TPM1: variants seen among roughly 807,000 people sequenced by gnomAD.
TPM1 encodes tropomyosin 1.
In TPM1, 24 loss-of-function variants were observed where a neutral mutation model predicts 42.9. The observed-to-expected ratio is 0.56, with a 90% CI of 0.41 to 0.79. The LOEUF (loss-of-function observed/expected upper bound fraction) is 0.79. Ranked by LOEUF, TPM1 falls within the 30% of genes least tolerant of loss-of-function variation. The probability of loss-of-function intolerance (pLI) is 0.00; values close to 1 mark genes in which losing one functional copy is unlikely to be tolerated. For missense variants in TPM1, 158 were observed against 351.8 expected (o/e 0.45, Z 4.41); for synonymous variants, 136 against 130.1 (o/e 1.05, Z -0.31).
At chr15:63,052,435 A>G (rs558354581) in intron 2 of TPM1, among the ~76,000 whole-genome samples, 3 of 152,294 alleles carry the variant, frequency 2.0e-5, no homozygotes, top group African/African-American at 7.2e-5. Flanking sequence ...AGGCAGGAGA[A>G]TCGCTTGAAC....
At chr15:63,069,546 A>G (rs943378773), downstream of TPM1, among the ~76,000 whole-genome samples, 4 of 152,196 alleles carry the variant, frequency 2.6e-5, no homozygotes, top group African/African-American at 9.7e-5. Context: ...GAAACCATGT[A>G]TGGCTCAGCT....
chr15:63,057,334 A>G (rs1387429869), intron 3 of TPM1, among the ~76,000 whole-genome samples: 2 of 152,248 alleles, frequency 1.3e-5, no homozygotes, highest in African/African-American at 4.8e-5. Flanking sequence ...CTAAGGTTAC[A>G]AAGAAGAAGA....
chr15:63,059,837 G>C, intron 4 of TPM1, 157 bp downstream of exon 4: 1 of 552,824 alleles, frequency 1.8e-6, no homozygotes, highest in Non-Finnish European at 3.4e-6. Flanking sequence ...CCAGAAAACG[G>C]TTCTAATTTT....
At chr15:63,051,434 C>G (rs1215473266) in intron 2 of TPM1, among the ~76,000 whole-genome samples, 1 of 152,082 alleles carries the variant, frequency 6.6e-6, no homozygotes, top group Admixed American at 6.6e-5. Flanking sequence ...CATGTCTGTT[C>G]TCCCTCATTA....
intron 9 of TPM1, 25 bp downstream of exon 9, chr15:63,064,167 C>G: frequency 6.2e-7 from 1 of 1,610,314 alleles, no homozygotes; most frequent in Non-Finnish European, 8.5e-7. Flanking sequence ...ACTCTGCCTG[C>G]TTACACCCTG....
chr15:63,043,822 C>A (rs1276676198), intron 1 of TPM1: 2 of 1,548,738 alleles, frequency 1.3e-6, no homozygotes, highest in East Asian at 4.9e-5. Context: ...CCGAAGAGGC[C>A]GCCGCCAAGG....
intron 8 of TPM1, 139 bp downstream of exon 8, chr15:63,062,784 T>C: frequency 1.9e-6 from 3 of 1,553,550 alleles, no homozygotes; most frequent in Non-Finnish European, 2.6e-6. Context: ...CTCTGGGGTT[T>C]TTCTCTGTGG....
chr15:63,060,001 T>C (rs577600706), intron 4 of TPM1: 2 of 345,216 alleles, frequency 5.8e-6, no homozygotes, highest in South Asian at 2.3e-5. Flanking sequence ...AAGGAGGCTC[T>C]CATGCTGTCA....
At chr15:63,070,196 T>C, downstream of TPM1, 2 of 1,272,840 alleles carry the variant, frequency 1.6e-6, no homozygotes, top group Non-Finnish European at 2.0e-6. Context: ...CTCCTTGAAA[T>C]AGCAGGTCCT....
intron 9 of TPM1, chr15:63,065,582 G>T (rs2036186718): frequency 1.0e-6 from 1 of 985,250 alleles, no homozygotes; most frequent in African/African-American, 1.7e-5. Context: ...AAAATGTGGT[G>T]ATTCTTTGGG....
At chr15:63,064,438 T>C (rs1216350247) in intron 9 of TPM1, 3 of 1,199,820 alleles carry the variant, frequency 2.5e-6, no homozygotes, top group Admixed American at 4.0e-5. Context: ...GAAATTAAGC[T>C]AAACTCAAGT....
chr15:63,071,608 T>G, exon 9 of TPM1: 1 of 218,372 alleles, frequency 4.6e-6, no homozygotes, highest in Non-Finnish European at 9.2e-6. Flanking sequence ...CAACACTAAT[T>G]TATTTTGTCT....
chr15:63,065,973 C>G lies in TPM1; in HGVS notation c.*74C>G, dbSNP rs1195233478. The G allele has an allele frequency of 6.3e-7, 1 of 1,588,336 alleles. No homozygotes were observed. The highest frequency in any genetic ancestry group is 8.6e-7 in the Non-Finnish European group (1 of 1,166,734). ...CCACCTCTCTGAGCTCTGCATTTGTCTATTCTCCAGCTGACCCTGGTTCTC... is the reference window on the plus strand; with the variant it reads ...CCACCTCTCTGAGCTCTGCATTTGTGTATTCTCCAGCTGACCCTGGTTCTC... On this transcript the variant is annotated 3_prime_UTR_variant, in exon 10 of 10. Transcript: ENST00000403994.
chr15:63,048,433 G>A (rs1466285655), intron 2 of TPM1: 10 of 1,349,442 alleles, frequency 7.4e-6, no homozygotes, highest in Non-Finnish European at 9.4e-6. Flanking sequence ...GCTCCTGGCC[G>A]CAGGGGGCGC....
rs144700226 is a variant in TPM1 at position 63,061,252 on chromosome 15, A to G, written c.563+313A>G. The G allele has an allele frequency of 7.1e-4, 1,139 of 1,614,242 alleles. 6 individuals are homozygous for G. Among genetic ancestry groups the G allele is most frequent in the South Asian group, 4.7e-3 (430 of 91,084 alleles). ...GAATAATGGATCAGACCTTGAAAGC[A>G]TTAATGGCTGCAGAGGATAAGGTAC... On this transcript the variant is annotated intron_variant, in intron 5 of 9. Transcript: ENST00000403994.
chr15:63,045,472 A>G (rs2032196196), intron 2 of TPM1: 1 of 152,254 alleles, frequency 6.6e-6, no homozygotes, highest in Admixed American at 6.5e-5. Flanking sequence ...TGCAGATCAG[A>G]TGCCTGCTCT....
downstream of TPM1, among the ~76,000 whole-genome samples, chr15:63,066,879 T>C (rs187935875): frequency 4.2e-4 from 58 of 136,806 alleles, no homozygotes; most frequent in Non-Finnish European, 7.9e-4. Context: ...TTTTAAAATA[T>C]AGCAATGAAA....
intron 9 of TPM1, chr15:63,065,627 TGAAA>T (rs1408906717): frequency 4.8e-5 from 47 of 985,190 alleles, no homozygotes; most frequent in Non-Finnish European, 5.3e-5. Context: ...TTAAATATTC[TGAAA>T]GACGAGTGTA....
At chr15:63,063,770 G>A in intron 8 of TPM1, 1 of 340,006 alleles carries the variant, frequency 2.9e-6, no homozygotes, top group East Asian at 5.5e-5. Context: ...CTGTGGTTTC[G>A]TTTACAATTT....
Sources: allele counts gnomAD v4.1 joint callset (sites outside exome capture counted in the v4.1 genomes callset), GRCh38; gene constraint gnomAD v4.1.1; transcripts MANE v1.5; gene names NCBI Gene and HGNC (gene_info 2026-07-23, HGNC 2026-07-21).